Variants in SLC35F6 observed in about 807,000 individuals in gnomAD.
The protein encoded by SLC35F6 is ANT2-binding protein.
Under a neutral mutation model 29.4 loss-of-function variants are expected in SLC35F6, and 26 were observed. The observed-to-expected ratio is 0.89, with a 90% confidence interval of 0.65 to 1.23. The LOEUF (loss-of-function observed/expected upper bound fraction) is 1.23, where lower values mean the gene tolerates loss of function less well. Among genes scored for constraint, SLC35F6 ranks in the 50% most tolerant of loss-of-function variants. The pLI is 0.00. For synonymous variants in SLC35F6, 174 were observed against 206.6 expected (o/e 0.84, Z 1.35); for missense variants, 428 against 487.8 (o/e 0.88, Z 1.15).
At chr2:26,768,385 C>T (rs1343485791) in intron 1 of SLC35F6, among the ~76,000 whole-genome samples, 4 of 145,456 alleles carry the variant, frequency 2.7e-5, no homozygotes, top group Non-Finnish European at 6.0e-5. Flanking sequence ...TTTTTTGAGA[C>T]GGAGTCTGGC....
chr2:26,772,931 A>G (rs879899008), intron 1 of SLC35F6, among the ~76,000 whole-genome samples: 4 of 152,196 alleles, frequency 2.6e-5, no homozygotes, highest in Admixed American at 6.5e-5. Context: ...GAAGTATGTC[A>G]TAATCAGTCA....
chr2:26,766,328 T>C (rs1003301172), intron 1 of SLC35F6, among the ~76,000 whole-genome samples: 3 of 152,350 alleles, frequency 2.0e-5, no homozygotes, highest in African/African-American at 7.2e-5. Context: ...CCCGGCGCGG[T>C]GGCTTACGCC....
chr2:26,771,889 C>A (rs982133425), intron 1 of SLC35F6, among the ~76,000 whole-genome samples: 8 of 152,168 alleles, frequency 5.3e-5, no homozygotes, highest in African/African-American at 1.9e-4. Context: ...AGCTCCCAGA[C>A]TCCCTGTTCC....
At chr2:26,777,178 A>G (rs1175842449) in intron 5 of SLC35F6, among the ~76,000 whole-genome samples, 1 of 152,246 alleles carries the variant, frequency 6.6e-6, no homozygotes, top group African/African-American at 2.4e-5. Flanking sequence ...CAGCCTGGGC[A>G]ACAGAACGAG....
At chr2:26,766,385 G>T (rs1010897063) in intron 1 of SLC35F6, among the ~76,000 whole-genome samples, 1 of 152,184 alleles carries the variant, frequency 6.6e-6, no homozygotes, top group African/African-American at 2.4e-5. Context: ...ATCACTTGAG[G>T]TCAGGAGTTT....
chr2:26,765,123 G>A (rs1159616494), intron 1 of SLC35F6: 31 of 532,196 alleles, frequency 5.8e-5, no homozygotes, highest in Non-Finnish European at 7.5e-5. Flanking sequence ...CAAGGCTGCT[G>A]CATAGCAGAT....
intron 5 of SLC35F6, among the ~76,000 whole-genome samples, chr2:26,777,387 C>G (rs1258224491): frequency 1.3e-5 from 2 of 152,210 alleles, no homozygotes; most frequent in African/African-American, 4.8e-5. Context: ...TAGCAAGATA[C>G]AGCTGCGCTT....
chr2:26,773,327 C>T (rs1057320495), intron 1 of SLC35F6, among the ~76,000 whole-genome samples: 2 of 151,302 alleles, frequency 1.3e-5, no homozygotes, highest in African/African-American at 2.4e-5. Flanking sequence ...GGTGAAACAC[C>T]GTCTCTACTA....
chr2:26,767,555 T>G (rs1475758894), intron 1 of SLC35F6, among the ~76,000 whole-genome samples: 1 of 152,174 alleles, frequency 6.6e-6, no homozygotes, highest in African/African-American at 2.4e-5. Flanking sequence ...TGAAGTGGCT[T>G]CTTCTTTCCC....
chr2:26,775,072 C>T lies in SLC35F6; in HGVS notation c.179C>T (p.Ser60Phe), dbSNP rs551942793. ...QAVGMFLGEF[S>F]CLAAFYLLRC... is the part of the protein sequence containing the mutation. Reference sequence around the variant, plus strand: ...GTGGGCATGTTCCTGGGAGAATTCTCCTGCCTGGCTGCCTTCTACCTCCTC... The same window carrying T: ...GTGGGCATGTTCCTGGGAGAATTCTTCTGCCTGGCTGCCTTCTACCTCCTC... The change falls in exon 3 of 6, where the codon TCC becomes TTC. Residue 60 changes from serine (S) to phenylalanine (F), a missense_variant. Ser to Phe is a radical substitution (Grantham distance 155). Transcript: ENST00000344420. The surrounding 1 kb of genome is among the most constrained non-coding windows in gnomAD (Gnocchi z 4.6). 3.1e-6 allele frequency: 5 copies of T among 1,613,950 alleles called. No homozygotes were observed. In the South Asian group the frequency reaches 4.4e-5, roughly 14 times the overall value.
chr2:26,778,583 G>T lies in SLC35F6; in HGVS notation c.*72G>T. ...AGACTGAGGCCACACAGGCTGGTGG[G>T]CCCCGAATGCCCTATCCCCAAGGCC... On this transcript the variant is annotated 3_prime_UTR_variant, in exon 6 of 6. Transcript: ENST00000344420. The T allele has an allele frequency of 7.2e-7, 1 of 1,390,716 alleles. No individual in the cohort carries two copies. 86.1% of individuals were successfully genotyped at this position (1,390,716 alleles called of 1,614,324 possible). A position where few individuals can be genotyped will look rare whatever the true frequency, so the allele number is the denominator to read the frequency against.
At chr2:26,776,619 A>C (rs2148059433) in intron 5 of SLC35F6, 137 bp downstream of exon 5, 1 of 707,456 alleles carries the variant, frequency 1.4e-6, no homozygotes, top group South Asian at 1.8e-5. Context: ...TGTTTTGACA[A>C]GTCTTCTGAC....
rs11542980 is a variant in SLC35F6, at chr2:26,775,625, G to C, written c.484G>C (p.Asp162His). 1 of 1,603,296 alleles carries C rather than the reference G, an allele frequency of 6.2e-7. No homozygotes were observed. The highest frequency in any genetic ancestry group is 8.5e-7 in the Non-Finnish European group (1 of 1,177,466). ...GGGGCTGGTGGTCGTGGGCCTGGCT[G>C]ACCTCCTGAGCAAGCACGACAGTCA... is the stretch of plus-strand genomic sequence containing the variant. ...IAGLVVVGLA[D>H]LLSKHDSQHK... Residue 162 changes from aspartate to histidine, a missense_variant, in exon 4 of 6, where the codon GAC (aspartate) becomes CAC (histidine). Physicochemically the swap from Asp to His is moderately conservative, Grantham distance 81. Transcript: ENST00000344420. The surrounding 1 kb of genome is among the most constrained non-coding windows in gnomAD (Gnocchi z 4.6).
rs145572150 is a variant in SLC35F6 at position 26,776,179 on chromosome 2, G to A, written c.536-193G>A. On this transcript the variant is annotated intron_variant, in intron 4 of 5. Transcript: ENST00000344420. ...TCTTAGACACAGGCAGGCCTCTGGG[G>A]CCTTAGCCTGGCACTGCTGGCATGC... Among the ~76,000 whole-genome samples the A allele has an allele frequency of 4.6e-5, 7 of 152,344 alleles. No homozygotes were observed. The East Asian group carries it at 1.2e-3, about 25-fold the overall frequency.
At position 26,778,433 on chromosome 2, in the gene SLC35F6, G is replaced by T; in HGVS notation, c.1038G>T (p.Arg346Ser). ...LHRPLLGRLSRGRPLAEESEQ... is the reference protein window; with the variant it reads ...LHRPLLGRLSSGRPLAEESEQ... The stretch of plus-strand genomic sequence containing the variant: ...GTCCGCTGCTGGGCCGCCTGTCCAG[G>T]GGCCGGCCCCTGGCAGAGGAGAGCG... Residue 346 changes from arginine to serine, a missense_variant, in exon 6 of 6, where the codon AGG becomes AGT. Transcript: ENST00000344420. The T allele has an allele frequency of 6.2e-7, 1 of 1,614,000 alleles. No individual in the cohort carries two copies. The highest frequency in any genetic ancestry group is 8.5e-7 in the Non-Finnish European group (1 of 1,179,982).
chr2:26,778,661 T>G lies in SLC35F6; in HGVS notation c.*150T>G. 1.4e-6 allele frequency: 1 copy of G among 725,410 alleles called. No individual in the cohort carries two copies. The highest frequency in any genetic ancestry group is 2.2e-6 in the Non-Finnish European group (1 of 454,666). The allele number at this position is 725,410 out of a possible 1,614,324, so 44.9% of individuals were successfully genotyped here. A position where few individuals can be genotyped will look rare whatever the true frequency, so the allele number is the denominator to read the frequency against. On this transcript the variant is annotated 3_prime_UTR_variant, in exon 6 of 6. Coordinates refer to ENST00000344420, the MANE Select transcript of SLC35F6 (RefSeq NM_017877.4). ...CCAGGGCAGCTGCTGCCACAGAAGATAACAACACCCAAGTCCTCTTTTTCT... is the reference window on the plus strand; with the variant it reads ...CCAGGGCAGCTGCTGCCACAGAAGAGAACAACACCCAAGTCCTCTTTTTCT...
chr2:26,775,793 G>A lies in SLC35F6; in HGVS notation c.535+117G>A, dbSNP rs1281320672. 2.5e-6 allele frequency: 3 copies of A among 1,181,272 alleles called. No homozygotes were observed. The highest frequency in any genetic ancestry group is 1.6e-5 in the South Asian group (1 of 63,478). The allele number at this position is 1,181,272 out of a possible 1,614,324, so 73.2% of individuals were successfully genotyped here. ...CATATACCAAGCCCTGGGTGAGGTGGGTAGCTCTGGAGGTGATGGATAGAA... is the reference window on the plus strand; with the variant it reads ...CATATACCAAGCCCTGGGTGAGGTGAGTAGCTCTGGAGGTGATGGATAGAA... On this transcript the variant is annotated intron_variant, in intron 4 of 5. Transcript: ENST00000344420. This position sits in a 1 kb window ranked among gnomAD's most constrained non-coding sequence, Gnocchi z 4.6.
At chr2:26,774,010 A>C (rs1312573990) in intron 1 of SLC35F6, among the ~76,000 whole-genome samples, 2 of 152,226 alleles carry the variant, frequency 1.3e-5, no homozygotes, top group African/African-American at 4.8e-5. Flanking sequence ...ATATACAATG[A>C]CTGTAATGTG....
At chr2:26,776,557 C>T (rs1453613996) in intron 5 of SLC35F6, 75 bp downstream of exon 5, 1 of 1,385,194 alleles carries the variant, frequency 7.2e-7, no homozygotes, top group Middle Eastern at 1.8e-4. Context: ...GACAAGGTGC[C>T]AGGGTTCACT....
Sources: allele counts gnomAD v4.1 joint callset (sites outside exome capture counted in the v4.1 genomes callset), GRCh38; gene constraint gnomAD v4.1.1; non-coding constraint Gnocchi (gnomAD v3.1); transcripts MANE v1.5; gene names NCBI Gene and HGNC (gene_info 2026-07-23, HGNC 2026-07-21).